The following SETBP1 variants were observed in gnomAD, a reference collection of about 807,000 sequenced individuals.
SETBP1 encodes SET binding protein 1.
Under a neutral mutation model 101.0 loss-of-function variants are expected in SETBP1, and 9 were observed. The observed-to-expected ratio is 0.09, with a 90% CI of 0.05 to 0.16. SETBP1 has a LOEUF of 0.16. Ranked by LOEUF, SETBP1 falls within the 10% of genes least tolerant of loss-of-function variation. The pLI, the probability that SETBP1 is intolerant of heterozygous loss-of-function variation, is 1.00. For synonymous variants in SETBP1, 818 were observed against 788.5 expected (o/e 1.04, Z -0.63); for missense variants, 1,858 against 2,033.8 (o/e 0.91, Z 1.66).
chr18:44,723,583 C>T (rs992833847), intron 2 of SETBP1, among the ~76,000 whole-genome samples: 5 of 152,188 alleles, frequency 3.3e-5, no homozygotes, highest in South Asian at 2.1e-4. Flanking sequence ...TTGCTGTGGC[C>T]GGTCATTGCC....
chr18:44,785,294 C>A (rs567526076), intron 2 of SETBP1, among the ~76,000 whole-genome samples: 5 of 152,146 alleles, frequency 3.3e-5, no homozygotes, highest in East Asian at 1.9e-4. Flanking sequence ...TGTGAAGTTG[C>A]CAGGGGACAT....
chr18:44,779,040 T>C (rs1328488410), intron 2 of SETBP1, among the ~76,000 whole-genome samples: 3 of 152,212 alleles, frequency 2.0e-5, no homozygotes, highest in Non-Finnish European at 4.4e-5. Context: ...GCCACCGCCG[T>C]GTGTTGATTT....
In SETBP1 at chr18:44,949,872, C is replaced by T. The variant is rs1210679312; in HGVS notation, c.541-9C>T. On this transcript the variant is annotated splice_polypyrimidine_tract_variant and intron_variant, in intron 3 of 5. Transcript: ENST00000649279. ...TGTCTCTCTCCCTCTCCACTCCACC[C>T]ACCCTTAGGCTTACGAGAGGCCCCA... The T allele has an allele frequency of 1.4e-5, 22 of 1,608,312 alleles. No homozygotes were observed. Among genetic ancestry groups the T allele is most frequent in the Non-Finnish European group, 1.7e-5 (20 of 1,176,306 alleles).
At chr18:45,022,881 GCACTTTGAA>G (rs1425446704) in intron 4 of SETBP1, among the ~76,000 whole-genome samples, 1 of 152,158 alleles carries the variant, frequency 6.6e-6, no homozygotes, top group Admixed American at 6.5e-5. Flanking sequence ...TTTGCCTCTG[GCACTTTGAA>G]GATAGAAATG....
Position 44,859,745 on chromosome 18 carries a change from T to C in SETBP1, c.487-9485T>C, listed in dbSNP as rs143443492. ...ATCATAGTGACTTTTCATATTATAA[T>C]AGCCAAGAGTTCAAGGTGGGCTTTC... On this transcript the variant is annotated intron_variant, in intron 2 of 5. Transcript: ENST00000649279. Among the ~76,000 whole-genome samples the C allele has an allele frequency of 4.1e-4, 63 of 152,310 alleles. 1 individual carries two copies. The East Asian group carries it at 9.1e-3, about 22-fold the overall frequency.
intron 3 of SETBP1, among the ~76,000 whole-genome samples, chr18:44,898,118 G>A (rs533946788): frequency 8.5e-5 from 13 of 152,154 alleles, no homozygotes; most frequent in Non-Finnish European, 1.3e-4. Context: ...TCCATAGAGA[G>A]ATGCCTGTTT....
rs538157933 is a variant in SETBP1 at position 44,818,476 on chromosome 18, C to A, written c.487-50754C>A. 5.3e-5 allele frequency among the ~76,000 whole-genome samples: 8 copies of A among 152,236 alleles called. No individual in the cohort carries two copies. In the South Asian group the frequency reaches 1.2e-3, roughly 24 times the overall value. Reference sequence around the variant, plus strand: ...ACATGGGAACTCCTTGGGTTTAAAACCAGTGACCATGGTCAGTGGGATAGT... The same window carrying A: ...ACATGGGAACTCCTTGGGTTTAAAAACAGTGACCATGGTCAGTGGGATAGT... On this transcript the variant is annotated intron_variant, in intron 2 of 5. Transcript: ENST00000649279.
intron 2 of SETBP1, among the ~76,000 whole-genome samples, chr18:44,762,285 C>T (rs923096506): frequency 1.3e-5 from 2 of 152,220 alleles, no homozygotes; most frequent in Admixed American, 6.5e-5. Flanking sequence ...TCTTCCTTGA[C>T]AGCAGCCTGT....
At chr18:44,925,691 C>T (rs1599329678) in intron 3 of SETBP1, among the ~76,000 whole-genome samples, 1 of 152,354 alleles carries the variant, frequency 6.6e-6, no homozygotes, top group East Asian at 1.9e-4. Flanking sequence ...GTACATTCAG[C>T]ATTCTTGCCT....
Position 44,701,384 on chromosome 18 carries a change from G to A in SETBP1, c.38G>A (p.Arg13Lys). The A allele has an allele frequency of 1.3e-6, 2 of 1,543,614 alleles. No homozygotes were observed. The highest frequency in any genetic ancestry group is 8.8e-7 in the Non-Finnish European group (1 of 1,142,120). Residue 13 changes from arginine (R) to lysine (K), a missense_variant, in exon 2 of 6, where the codon AGA (arginine) becomes AAA (lysine). Transcript: ENST00000649279. ...GAAACCTTAAGCAGCTCCCGGCAAA[G>A]AGGGGGCGAGTCAGACTTCCTGCCG... ...SRETLSSSRQ[R>K]GGESDFLPVS...
intron 2 of SETBP1, among the ~76,000 whole-genome samples, chr18:44,839,550 G>T (rs940152141): frequency 6.6e-6 from 1 of 152,190 alleles, no homozygotes; most frequent in African/African-American, 2.4e-5. Flanking sequence ...CATTCTCTTG[G>T]CAGTCCAGTT....
At chr18:45,036,831 T>A (rs2073407281) in intron 4 of SETBP1, among the ~76,000 whole-genome samples, 1 of 152,190 alleles carries the variant, frequency 6.6e-6, no homozygotes, top group South Asian at 2.1e-4. Flanking sequence ...GTCAGCAGAC[T>A]GGGGTCATGA....
At position 44,953,330 on chromosome 18, in the gene SETBP1, C is replaced by T; in HGVS notation, c.3990C>T (p.Ser1330=). 1 of 1,613,390 alleles carries T rather than the reference C, an allele frequency of 6.2e-7. No homozygotes were observed. The highest frequency in any genetic ancestry group is 1.3e-5 in the African/African-American group (1 of 75,038). ...NRKERSSYDS[S]MSPGMPSPHL... is the part of the protein sequence containing the mutation. ...AGGAGAGAAGTTCTTATGACTCCTCCATGTCTCCAGGTAAGGCTGTTTTTC... is the reference window on the plus strand; with the variant it reads ...AGGAGAGAAGTTCTTATGACTCCTCTATGTCTCCAGGTAAGGCTGTTTTTC... The change falls in exon 4 of 6, where the codon TCC becomes TCT. Residue 1330 remains serine (S), a synonymous_variant. Transcript: ENST00000649279.
At chr18:44,681,767 G>C (rs2068764106) in intron 1 of SETBP1, among the ~76,000 whole-genome samples, 1 of 152,106 alleles carries the variant, frequency 6.6e-6, no homozygotes, top group African/African-American at 2.4e-5. Flanking sequence ...TGTCTAAAAG[G>C]ACTGTTGTGG....
At chr18:44,914,141 C>G (rs777791536) in intron 3 of SETBP1, among the ~76,000 whole-genome samples, 14 of 152,196 alleles carry the variant, frequency 9.2e-5, no homozygotes, top group Non-Finnish European at 2.1e-4. Flanking sequence ...CTTTCATACT[C>G]TTTGTGTGTG....
intron 2 of SETBP1, among the ~76,000 whole-genome samples, chr18:44,800,388 T>C (rs1420068141): frequency 6.6e-6 from 1 of 152,206 alleles, no homozygotes; most frequent in Non-Finnish European, 1.5e-5. Flanking sequence ...ATTCTGTTTA[T>C]AATTCTTGAA....
intron 5 of SETBP1, among the ~76,000 whole-genome samples, chr18:45,052,391 A>G (rs539111072): frequency 7.2e-5 from 11 of 152,350 alleles, no homozygotes; most frequent in Non-Finnish European, 1.5e-4. Context: ...TGAAGTGTTC[A>G]TAAAAAGCTT....
chr18:44,791,485 C>T (rs2071370267), intron 2 of SETBP1, among the ~76,000 whole-genome samples: 1 of 152,158 alleles, frequency 6.6e-6, no homozygotes, highest in African/African-American at 2.4e-5. Flanking sequence ...CTTTGTGGGC[C>T]TCACATCAGC....
At chr18:45,040,044 C>T (rs940445711) in intron 5 of SETBP1, among the ~76,000 whole-genome samples, 1 of 152,164 alleles carries the variant, frequency 6.6e-6, no homozygotes, top group Non-Finnish European at 1.5e-5. Context: ...AGGAGGGAGA[C>T]ACCGAATTAC....
Sources: gnomAD v4.1 joint callset for allele counts (sites outside exome capture counted in the v4.1 genomes callset) on GRCh38, gnomAD v4.1.1 for gene constraint, MANE v1.5 for transcripts, NCBI Gene and HGNC (gene_info 2026-07-23, HGNC 2026-07-21) for gene names.